Variants in CSMD1 observed in about 807,000 individuals in gnomAD.
CSMD1 encodes the protein CUB and sushi domain-containing protein 1.
A neutral mutation model predicts 417.5 loss-of-function variants in CSMD1; 213 were observed. The ratio of observed to expected loss-of-function variants is 0.51; its 90% confidence interval spans 0.46 to 0.57. CSMD1 has a LOEUF of 0.57. CSMD1 is among the 20% of genes least tolerant of loss of function. CSMD1 has a pLI of 0.00. For synonymous variants in CSMD1, 2,862 were observed against 1,736.8 expected (o/e 1.65, Z -16.11); for missense variants, 6,923 against 4,529.7 (o/e 1.53, Z -15.17).
At chr8:3,836,312 G>T (rs577066059) in intron 5 of CSMD1, among the ~76,000 whole-genome samples, 2 of 152,222 alleles carry the variant, frequency 1.3e-5, no homozygotes, top group Non-Finnish European at 2.9e-5. Context: ...AAAGCAGTTT[G>T]CCAGTTTTGG....
intron 5 of CSMD1, among the ~76,000 whole-genome samples, chr8:3,836,291 T>C (rs1280443370): frequency 1.3e-5 from 2 of 152,182 alleles, no homozygotes; most frequent in Non-Finnish European, 1.5e-5. Context: ...GATTGAAGCT[T>C]GTAACAAGTC....
At chr8:3,631,823 T>G (rs938288210) in intron 7 of CSMD1, among the ~76,000 whole-genome samples, 1 of 152,132 alleles carries the variant, frequency 6.6e-6, no homozygotes, top group Non-Finnish European at 1.5e-5. Context: ...GGTCAACAAG[T>G]GACTTGACAT....
chr8:3,975,036 T>C lies in CSMD1; in HGVS notation c.818+22867A>G, dbSNP rs1443314313. 2.0e-5 allele frequency among the ~76,000 whole-genome samples: 3 copies of C among 152,208 alleles called. No individual in the cohort carries two copies. The East Asian group carries it at 5.8e-4, about 29-fold the overall frequency. On this transcript the variant is annotated intron_variant, in intron 5 of 69. Coordinates refer to ENST00000635120, the MANE Select transcript of CSMD1 (RefSeq NM_033225.6). ...ATGGAATATAAATTTTAAAGTATTTTAAATCTTATTTGCTAATATACATCT... is the reference window on the plus strand; with the variant it reads ...ATGGAATATAAATTTTAAAGTATTTCAAATCTTATTTGCTAATATACATCT...
chr8:3,175,703 A>G (rs1415563598), intron 37 of CSMD1, among the ~76,000 whole-genome samples: 1 of 151,772 alleles, frequency 6.6e-6, no homozygotes, highest in Non-Finnish European at 1.5e-5. Context: ...ACGTGGGAAC[A>G]TGGCTTCCAC....
chr8:4,824,826 C>G (rs558999652), intron 1 of CSMD1, among the ~76,000 whole-genome samples: 1 of 152,190 alleles, frequency 6.6e-6, no homozygotes, highest in East Asian at 1.9e-4. Flanking sequence ...GGTATATAGC[C>G]TATATTTAAG....
chr8:4,755,746 T>G (rs1285646263), intron 1 of CSMD1, among the ~76,000 whole-genome samples: 1 of 152,212 alleles, frequency 6.6e-6, no homozygotes, highest in East Asian at 1.9e-4. Flanking sequence ...AGTTACATAT[T>G]CATTGCTTTT....
intron 3 of CSMD1, among the ~76,000 whole-genome samples, chr8:4,391,575 C>T (rs950049656): frequency 3.2e-4 from 48 of 152,176 alleles, no homozygotes; most frequent in African/African-American, 1.1e-3. Flanking sequence ...CAGTGACTTT[C>T]AGCTACCCTA....
At chr8:4,075,664 G>C (rs1186581398) in intron 3 of CSMD1, among the ~76,000 whole-genome samples, 1 of 152,154 alleles carries the variant, frequency 6.6e-6, no homozygotes, top group Non-Finnish European at 1.5e-5. Context: ...CTTGATTTGT[G>C]AGACGTTTTG....
At chr8:3,661,082 C>G (rs865855314) in intron 7 of CSMD1, among the ~76,000 whole-genome samples, 12 of 152,150 alleles carry the variant, frequency 7.9e-5, no homozygotes, top group Non-Finnish European at 1.2e-4. Flanking sequence ...AAAACAAATG[C>G]TAGGATACAG....
chr8:4,228,832 C>G (rs956567481), intron 3 of CSMD1, among the ~76,000 whole-genome samples: 1 of 152,004 alleles, frequency 6.6e-6, no homozygotes, highest in Non-Finnish European at 1.5e-5. Context: ...TTCATGTGCA[C>G]CACTGTGCCC....
intron 1 of CSMD1, among the ~76,000 whole-genome samples, chr8:4,831,494 G>T (rs761437994): frequency 9.9e-5 from 15 of 152,112 alleles, no homozygotes; most frequent in Non-Finnish European, 1.8e-4. Flanking sequence ...GTTTTGTCAA[G>T]ATGCTGCTCA....
At chr8:4,223,997 T>C (rs965654812) in intron 3 of CSMD1, among the ~76,000 whole-genome samples, 2 of 152,148 alleles carry the variant, frequency 1.3e-5, no homozygotes, top group South Asian at 4.1e-4. Flanking sequence ...TAAAATTCTT[T>C]AAACCCAAAC....
At chr8:4,301,482 C>T (rs1179275366) in intron 3 of CSMD1, among the ~76,000 whole-genome samples, 1 of 152,154 alleles carries the variant, frequency 6.6e-6, no homozygotes, top group Non-Finnish European at 1.5e-5. Flanking sequence ...ATCTTGATGC[C>T]ACTTGCATAA....
At chr8:4,042,917 G>A (rs1373789827) in intron 3 of CSMD1, among the ~76,000 whole-genome samples, 1 of 148,668 alleles carries the variant, frequency 6.7e-6, no homozygotes, top group African/African-American at 2.5e-5. Flanking sequence ...TATGAGTTCA[G>A]GAGTTCAAGA....
intron 1 of CSMD1, among the ~76,000 whole-genome samples, chr8:4,661,443 T>C (rs1161683130): frequency 6.6e-6 from 1 of 152,174 alleles, no homozygotes; most frequent in Non-Finnish European, 1.5e-5. Flanking sequence ...GTGACAAAAA[T>C]ATAGAAATGG....
chr8:3,431,935 TCA>T (rs1814243123), intron 12 of CSMD1, among the ~76,000 whole-genome samples: 1 of 152,240 alleles, frequency 6.6e-6, no homozygotes. Context: ...CTTTACTGTG[TCA>T]CACTTCTTTC....
intron 31 of CSMD1, among the ~76,000 whole-genome samples, chr8:3,203,967 G>A (rs975829408): frequency 6.6e-6 from 1 of 152,174 alleles, no homozygotes; most frequent in Non-Finnish European, 1.5e-5. Flanking sequence ...CAGGGACATG[G>A]ACCAGATTCC....
chr8:3,356,564 A>G (rs959896608), intron 21 of CSMD1, among the ~76,000 whole-genome samples: 2 of 152,116 alleles, frequency 1.3e-5, no homozygotes, highest in African/African-American at 2.4e-5. Context: ...AGTCCCAGCA[A>G]CTCGGGAGGA....
At chr8:3,583,051 AG>A (rs1666649086) in intron 9 of CSMD1, among the ~76,000 whole-genome samples, 1 of 152,168 alleles carries the variant, frequency 6.6e-6, no homozygotes, top group Non-Finnish European at 1.5e-5. Context: ...TTTCCCTTAC[AG>A]AGCAACTCCT....
Sources: gnomAD v4.1 joint callset for allele counts (sites outside exome capture counted in the v4.1 genomes callset) on GRCh38, gnomAD v4.1.1 for gene constraint, MANE v1.5 for transcripts, NCBI Gene and HGNC (gene_info 2026-07-23, HGNC 2026-07-21) for gene names.